The following LRP1B variants were observed in gnomAD, a reference collection of about 807,000 sequenced individuals.
LRP1B encodes LDL receptor related protein 1B.
LRP1B carries 217 observed loss-of-function variants against 556.6 expected under a neutral mutation model. The ratio of observed to expected loss-of-function variants is 0.39; its 90% CI spans 0.35 to 0.44. The LOEUF is 0.44. Ranked by LOEUF, LRP1B falls within the 20% of genes least tolerant of loss-of-function variation. The pLI, the probability that LRP1B is intolerant of heterozygous loss-of-function variation, is 1.00. For missense variants in LRP1B, 5,053 were observed against 5,620.8 expected, an observed-to-expected ratio of 0.90 and a Z score of 3.23; for synonymous variants, 2,047 against 1,865.8, an observed-to-expected ratio of 1.10 and a Z score of -2.50.
intron 1 of LRP1B, among the ~76,000 whole-genome samples, chr2:141,914,538 A>G (rs957888589): frequency 2.0e-5 from 3 of 152,218 alleles, no homozygotes; most frequent in Non-Finnish European, 4.4e-5. Flanking sequence ...AAAGGCATCC[A>G]AATAGGAAAA....
At chr2:140,957,539 C>T (rs1198436733) in intron 18 of LRP1B, among the ~76,000 whole-genome samples, 1 of 151,562 alleles carries the variant, frequency 6.6e-6, no homozygotes, top group Non-Finnish European at 1.5e-5. Context: ...GACAATATGG[C>T]AGACAATCAG....
chr2:140,647,152 C>G (rs1684513932), intron 41 of LRP1B, among the ~76,000 whole-genome samples: 1 of 152,086 alleles, frequency 6.6e-6, no homozygotes, highest in African/African-American at 2.4e-5. Flanking sequence ...TATTCATCAA[C>G]AGTGTGCAAA....
At chr2:141,918,511 T>C in intron 1 of LRP1B, among the ~76,000 whole-genome samples, 1 of 152,068 alleles carries the variant, frequency 6.6e-6, no homozygotes, top group Non-Finnish European at 1.5e-5. Flanking sequence ...TTAGATAACC[T>C]TCAAATGTTT....
Position 140,876,328 on chromosome 2 carries a change from G to C in LRP1B, c.4169+7489C>G, listed in dbSNP as rs927082603. Among the ~76,000 whole-genome samples the C allele has an allele frequency of 1.1e-4, 17 of 152,034 alleles. 1 individual carries two copies. The highest frequency in any genetic ancestry group is 1.1e-3 in the Admixed American group (17 of 15,254). On this transcript the variant is annotated intron_variant, in intron 25 of 90. Transcript: ENST00000389484. ...TATGAACACAATTTGGAGCATGTTT[G>C]TTTCTCTCTACCTGATTTCTACAGA...
intron 7 of LRP1B, among the ~76,000 whole-genome samples, chr2:141,151,477 ATAC>A (rs985323021): frequency 2.6e-5 from 4 of 152,318 alleles, no homozygotes; most frequent in South Asian, 4.1e-4. Context: ...ACATCAGCTG[ATAC>A]TACATCTATA....
intron 60 of LRP1B, among the ~76,000 whole-genome samples, chr2:140,464,190 G>T (rs1441202386): frequency 6.6e-6 from 1 of 151,446 alleles, no homozygotes; most frequent in Non-Finnish European, 1.5e-5. Flanking sequence ...AGCAAGACTT[G>T]TCTCAAATAA....
intron 51 of LRP1B, among the ~76,000 whole-genome samples, chr2:140,512,017 T>G (rs938185097): frequency 1.3e-5 from 2 of 152,200 alleles, no homozygotes; most frequent in South Asian, 4.1e-4. Flanking sequence ...TGTTTTTAAC[T>G]GCATTTTTTT....
At chr2:140,673,938 T>A (rs550273948) in intron 41 of LRP1B, among the ~76,000 whole-genome samples, 1 of 145,308 alleles carries the variant, frequency 6.9e-6, no homozygotes, top group African/African-American at 2.5e-5. Context: ...ATCTCTTTTC[T>A]TTTTTCTTTT....
intron 23 of LRP1B, among the ~76,000 whole-genome samples, chr2:140,887,840 T>C (rs1693684081): frequency 6.6e-6 from 1 of 152,154 alleles, no homozygotes; most frequent in Non-Finnish European, 1.5e-5. Context: ...ATGTCCAGAA[T>C]AGGCAAATCT....
chr2:141,691,575 T>C (rs1691534540), intron 2 of LRP1B, among the ~76,000 whole-genome samples: 2 of 150,580 alleles, frequency 1.3e-5, no homozygotes, highest in Non-Finnish European at 3.0e-5. Context: ...TTTCAGTATG[T>C]CAAAGCAAAT....
chr2:141,789,334 G>A (rs150450717), intron 2 of LRP1B, among the ~76,000 whole-genome samples: 7 of 151,996 alleles, frequency 4.6e-5, no homozygotes, highest in African/African-American at 1.7e-4. Flanking sequence ...CACATGACGA[G>A]AACTCAAGAA....
At chr2:140,743,820 C>T (rs925891216) in intron 35 of LRP1B, among the ~76,000 whole-genome samples, 29 of 151,140 alleles carry the variant, frequency 1.9e-4, no homozygotes, top group African/African-American at 6.5e-4. Flanking sequence ...ATTAGCCGGG[C>T]GTGGTGGCGG....
At chr2:140,581,993 C>T (rs1681781508) in intron 43 of LRP1B, among the ~76,000 whole-genome samples, 1 of 152,076 alleles carries the variant, frequency 6.6e-6, no homozygotes, top group African/African-American at 2.4e-5. Flanking sequence ...GGAGAAAATG[C>T]AAGGCACTGT....
chr2:141,001,926 G>A (rs913336062), intron 15 of LRP1B, among the ~76,000 whole-genome samples: 3 of 152,060 alleles, frequency 2.0e-5, no homozygotes, highest in Non-Finnish European at 4.4e-5. Flanking sequence ...AATTAAACTA[G>A]CAAATGTACA....
At chr2:141,483,223 T>G (rs1003891613) in intron 2 of LRP1B, among the ~76,000 whole-genome samples, 1 of 149,680 alleles carries the variant, frequency 6.7e-6, no homozygotes, top group South Asian at 2.1e-4. Flanking sequence ...TTTGGTTTTT[T>G]GTCCTTGCGA....
chr2:141,708,239 A>AC lies in LRP1B; in HGVS notation c.205+102039dup, dbSNP rs796475532. Among the ~76,000 whole-genome samples the AC allele has an allele frequency of 4.1e-4, 62 of 151,928 alleles. 1 individual carries two copies. Among genetic ancestry groups the AC allele is most frequent in the African/African-American group, 1.0e-3 (43 of 41,408 alleles). ...TAATATAAAATAAATTAAAAAAAAA[A>AC]CAAAATTAAATCTATTTATGTAAAA... is the stretch of plus-strand genomic sequence containing the variant. On this transcript the variant is annotated intron_variant, in intron 2 of 90. Transcript: ENST00000389484.
At position 140,546,000 on chromosome 2, in the gene LRP1B, TTG is replaced by T. The variant is rs148045904; in HGVS notation, c.7195-4031_7195-4030del. 9.1e-3 allele frequency among the ~76,000 whole-genome samples: 1,294 copies of T among 142,572 alleles called. 6 individuals are homozygous for T. The highest frequency in any genetic ancestry group is 0.023 in the African/African-American group (876 of 38,438). 93.5% of individuals were successfully genotyped at this position (142,572 alleles called of 152,430 possible). ...CTCACTGGTTAGCTGTATTATTAGG[TTG>T]TGTGTGTGTGTGTGTGTGTGTGTGT... On this transcript the variant is annotated intron_variant, in intron 43 of 90. Coordinates refer to ENST00000389484, the MANE Select transcript of LRP1B (RefSeq NM_018557.3).
chr2:141,151,076 A>G (rs1192429251), intron 7 of LRP1B, among the ~76,000 whole-genome samples: 1 of 152,192 alleles, frequency 6.6e-6, no homozygotes, highest in Non-Finnish European at 1.5e-5. Flanking sequence ...CAACATGCGT[A>G]TCAGACAGAA....
chr2:141,267,432 T>C (rs1333862417), intron 3 of LRP1B, among the ~76,000 whole-genome samples: 1 of 152,150 alleles, frequency 6.6e-6, no homozygotes, highest in African/African-American at 2.4e-5. Flanking sequence ...TGCTGAGATA[T>C]GAGCCAGTAC....
Sources: allele counts gnomAD v4.1 joint callset (sites outside exome capture counted in the v4.1 genomes callset), GRCh38; gene constraint gnomAD v4.1.1; transcripts MANE v1.5; gene names NCBI Gene and HGNC (gene_info 2026-07-23, HGNC 2026-07-21).